The following DCC variants were observed in gnomAD, a reference collection of about 807,000 sequenced individuals.
DCC encodes the protein netrin receptor DCC.
Under a neutral mutation model 172.5 loss-of-function variants are expected in DCC, and 58 were observed. That is an observed-to-expected ratio of 0.34 (90% CI 0.27 to 0.42). The LOEUF (loss-of-function observed/expected upper bound fraction) is 0.42. DCC is among the 10% of genes least tolerant of loss of function. The pLI, the probability that DCC is intolerant of heterozygous loss-of-function variation, is 1.00. For synonymous variants in DCC, 709 were observed against 644.5 expected (o/e 1.10, Z -1.52); for missense variants, 1,740 against 1,791.0 (o/e 0.97, Z 0.51).
intron 1 of DCC, among the ~76,000 whole-genome samples, chr18:52,576,031 G>C (rs147654940): frequency 6.6e-6 from 1 of 152,094 alleles, no homozygotes; most frequent in African/African-American, 2.4e-5. Context: ...TTGTTATGGC[G>C]TCTACTGTTT....
In DCC at chr18:52,341,639, C is replaced by T. The variant is rs1004317893; in HGVS notation, c.91+761C>T. Among the ~76,000 whole-genome samples the T allele has an allele frequency of 2.0e-4, 30 of 152,088 alleles. No individual in the cohort carries two copies. The Middle Eastern group carries it at 0.021, about 104-fold the overall frequency. ...CAGTTTCTAATTAAAAATGGCAAAA[C>T]TGTTTGGGGATTGGATCTGGCTAGT... On this transcript the variant is annotated intron_variant, in intron 1 of 28. Transcript: ENST00000442544.
intron 23 of DCC, among the ~76,000 whole-genome samples, chr18:53,457,293 T>C (rs1267589573): frequency 6.6e-6 from 1 of 152,250 alleles, no homozygotes; most frequent in Non-Finnish European, 1.5e-5. Context: ...TCGTTGGTAC[T>C]GAAGTCATGG....
chr18:52,626,889 A>T (rs1256078463), intron 1 of DCC, among the ~76,000 whole-genome samples: 1 of 152,192 alleles, frequency 6.6e-6, no homozygotes, highest in South Asian at 2.1e-4. Context: ...AGGACAAAAA[A>T]TGTGAGCATC....
At chr18:52,968,531 T>C (rs1303582126) in intron 5 of DCC, among the ~76,000 whole-genome samples, 1 of 152,072 alleles carries the variant, frequency 6.6e-6, no homozygotes, top group Non-Finnish European at 1.5e-5. Context: ...GGAGTCTCAC[T>C]CTAGCTATTG....
At chr18:53,429,550 A>G (rs932114379) in intron 21 of DCC, among the ~76,000 whole-genome samples, 4 of 152,098 alleles carry the variant, frequency 2.6e-5, no homozygotes, top group African/African-American at 9.7e-5. Context: ...TTCATATTTT[A>G]TGGCCTAAAT....
intron 17 of DCC, among the ~76,000 whole-genome samples, chr18:53,393,526 T>C (rs1446324976): frequency 6.6e-6 from 1 of 152,218 alleles, no homozygotes; most frequent in Non-Finnish European, 1.5e-5. Context: ...TATGAGACCA[T>C]TAAAGAATGT....
chr18:53,404,348 A>G (rs1216020942), intron 19 of DCC, among the ~76,000 whole-genome samples: 4 of 130,766 alleles, frequency 3.1e-5, no homozygotes, highest in Admixed American at 7.9e-5. Context: ...CAGTCAGTGT[A>G]AACAATAGAA....
In DCC at chr18:53,151,587, C is replaced by T. The variant is rs1196993883; in HGVS notation, c.1262-5769C>T. ...TTACCATTTCACAATGTATATATGC[C>T]TCAAGGTATCATGTTATACAGGATA... On this transcript the variant is annotated intron_variant, in intron 7 of 28. Coordinates refer to ENST00000442544, the MANE Select transcript of DCC (RefSeq NM_005215.4). Among the ~76,000 whole-genome samples the T allele has an allele frequency of 4.6e-5, 7 of 151,938 alleles. No homozygotes were observed. In the East Asian group the frequency reaches 9.6e-4, roughly 21 times the overall value.
chr18:53,063,261 A>C, intron 5 of DCC, 44 bp from the exon 6 acceptor site: 2 of 1,603,618 alleles, frequency 1.2e-6, no homozygotes, highest in Non-Finnish European at 1.7e-6. Context: ...ATGCAAGTTC[A>C]CATCCCCACC....
At chr18:52,426,413 G>A (rs1987428559) in intron 1 of DCC, among the ~76,000 whole-genome samples, 1 of 151,600 alleles carries the variant, frequency 6.6e-6, no homozygotes, top group Non-Finnish European at 1.5e-5. Flanking sequence ...AACATACGTG[G>A]TCGTGGTGTA....
At chr18:53,137,585 A>G (rs570151363) in intron 7 of DCC, among the ~76,000 whole-genome samples, 28 of 152,272 alleles carry the variant, frequency 1.8e-4, no homozygotes, top group Admixed American at 1.2e-3. Flanking sequence ...TGTTTTATAA[A>G]TTTTGCTATA....
intron 15 of DCC, among the ~76,000 whole-genome samples, chr18:53,382,857 T>C (rs1405540452): frequency 1.3e-5 from 2 of 152,076 alleles, no homozygotes; most frequent in Non-Finnish European, 2.9e-5. Flanking sequence ...TGGTTTAGAG[T>C]CTCAATATCT....
intron 12 of DCC, among the ~76,000 whole-genome samples, chr18:53,261,992 A>T (rs935174794): frequency 6.6e-6 from 1 of 152,220 alleles, no homozygotes; most frequent in South Asian, 2.1e-4. Flanking sequence ...GTGAGAGAAG[A>T]TGGTGGATTT....
chr18:53,476,532 G>A (rs983685778), intron 25 of DCC, among the ~76,000 whole-genome samples: 1 of 152,194 alleles, frequency 6.6e-6, no homozygotes, highest in African/African-American at 2.4e-5. Flanking sequence ...TGCCATGTGA[G>A]ATGTGCCTTT....
intron 1 of DCC, among the ~76,000 whole-genome samples, chr18:52,683,758 A>G (rs1420656546): frequency 6.6e-6 from 1 of 152,062 alleles, no homozygotes; most frequent in East Asian, 1.9e-4. Flanking sequence ...CTTCCTTTGC[A>G]TAACCCATAG....
intron 1 of DCC, among the ~76,000 whole-genome samples, chr18:52,734,379 G>A (rs150336299): frequency 2.0e-5 from 3 of 152,160 alleles, no homozygotes; most frequent in Admixed American, 1.3e-4. Flanking sequence ...GCCTGTCCCC[G>A]TATCATACAC....
intron 25 of DCC, among the ~76,000 whole-genome samples, chr18:53,484,350 C>A (rs2045876724): frequency 6.6e-6 from 1 of 151,760 alleles, no homozygotes; most frequent in Non-Finnish European, 1.5e-5. Context: ...CCGAGAGGCA[C>A]TTTTTGTAAC....
intron 15 of DCC, among the ~76,000 whole-genome samples, chr18:53,374,635 T>G (rs1363837500): frequency 6.6e-6 from 1 of 152,054 alleles, no homozygotes; most frequent in Non-Finnish European, 1.5e-5. Flanking sequence ...ATATAAAAGA[T>G]AGTCAACCAT....
intron 7 of DCC, among the ~76,000 whole-genome samples, chr18:53,078,853 GC>G (rs2042759590): frequency 6.6e-6 from 1 of 151,968 alleles, no homozygotes; most frequent in South Asian, 2.1e-4. Context: ...AAATTAAAAT[GC>G]CCCATCCTCA....
Sources: allele counts gnomAD v4.1 joint callset (sites outside exome capture counted in the v4.1 genomes callset), GRCh38; gene constraint gnomAD v4.1.1; transcripts MANE v1.5; gene names NCBI Gene and HGNC (gene_info 2026-07-23, HGNC 2026-07-21).